The following STK25 variants were observed in gnomAD, a reference collection of about 807,000 sequenced individuals.
STK25 encodes the protein serine/threonine-protein kinase 25.
STK25 carries 29 observed loss-of-function variants against 53.8 expected under a neutral mutation model. The observed-to-expected ratio is 0.54, with a 90% confidence interval of 0.40 to 0.74. The LOEUF (loss-of-function observed/expected upper bound fraction) is 0.74. Among genes scored for constraint, STK25 ranks in the 30% least tolerant of loss-of-function variants. The pLI is 0.00. For missense variants in STK25, 420 were observed against 568.0 expected, an observed-to-expected ratio of 0.74 and a Z score of 2.65; for synonymous variants, 247 against 238.3, an observed-to-expected ratio of 1.04 and a Z score of -0.33.
At position 241,493,189 on chromosome 2, in the gene STK25, C is replaced by T. The variant is rs953274440; in HGVS notation, c.*2473G>A. ...TGAACAGGGAAACTGGCTCCCTTGG[C>T]CCGTGGGCATTTGTACGTGCCACCG... On this transcript the variant is annotated 3_prime_UTR_variant, in exon 12 of 12. Transcript: ENST00000316586. 2.2e-6 allele frequency: 3 copies of T among 1,367,962 alleles called. No homozygotes were observed. Among genetic ancestry groups the T allele is most frequent in the South Asian group, 2.5e-5 (2 of 79,558 alleles). 84.7% of individuals were successfully genotyped at this position (1,367,962 alleles called of 1,614,324 possible). A position where few individuals can be genotyped will look rare whatever the true frequency, so the allele number is the denominator to read the frequency against.
upstream of STK25, among the ~76,000 whole-genome samples, chr2:241,508,873 G>T (rs1010940202): frequency 6.6e-6 from 1 of 152,076 alleles, no homozygotes; most frequent in African/African-American, 2.4e-5. Flanking sequence ...CGCCCTCGCG[G>T]GTCTTCTGCG....
Position 241,493,030 on chromosome 2 carries a change from T to C in STK25, c.*2632A>G, listed in dbSNP as rs772918875. ...ACTTCTGTTTGTTCTTCTACAAAAC[T>C]CATCAGGTACTGGAGTTTCACTGGA... is the stretch of plus-strand genomic sequence containing the variant. On this transcript the variant is annotated 3_prime_UTR_variant, in exon 12 of 12. Coordinates refer to ENST00000316586, the MANE Select transcript of STK25 (RefSeq NM_001271977.2). 1.9e-6 allele frequency: 3 copies of C among 1,575,418 alleles called. No homozygotes were observed. The highest frequency in any genetic ancestry group is 1.1e-5 in the South Asian group (1 of 90,306).
Position 241,499,245 on chromosome 2 carries a change from C to T in STK25, c.585+12G>A, listed in dbSNP as rs374403247. The T allele has an allele frequency of 5.8e-5, 93 of 1,613,858 alleles. No individual in the cohort carries two copies. The highest frequency in any genetic ancestry group is 3.3e-4 in the Middle Eastern group (2 of 6,062). On this transcript the variant is annotated intron_variant, in intron 6 of 11. Transcript: ENST00000316586. ...GGCATGGTGCCCGCACCTGCCCGCC[C>T]GCTGCACCCACCTTGAAGTCGTAGG...
At position 241,507,988 on chromosome 2, in the gene STK25, GACCTGC is replaced by G; in HGVS notation, c.30+12_30+17del. 1 of 1,594,334 alleles carries G rather than the reference GACCTGC, an allele frequency of 6.3e-7. No individual in the cohort carries two copies. Among genetic ancestry groups the G allele is most frequent in the Non-Finnish European group, 8.5e-7 (1 of 1,171,076 alleles). On this transcript the variant is annotated intron_variant, in intron 2 of 11. Transcript: ENST00000316586. The stretch of plus-strand genomic sequence containing the variant: ...TCGGTGAGAGGCCGCTAGTCTTCCT[GACCTGC>G]ACCCTTCTCACCTGGTTGGCAAATC...
rs2065323960 is a variant in STK25 at position 241,498,637 on chromosome 2, A to G, written c.917+2T>C. On this transcript the variant is annotated splice_donor_variant, in intron 8 of 11. Transcript: ENST00000316586. LOFTEE classifies it high-confidence loss of function. ...CACCATGAGGATAAACCAGGTCCCT[A>G]CATGTCAGAGTCCTCAGAGCTGGAC... The G allele has an allele frequency of 1.9e-6, 3 of 1,612,322 alleles. No homozygotes were observed. Among genetic ancestry groups the G allele is most frequent in the South Asian group, 1.1e-5 (1 of 90,990 alleles).
rs201274231 is a variant in STK25 at position 241,501,729 on chromosome 2, C to T, written c.31-21G>A. On this transcript the variant is annotated intron_variant, in intron 2 of 11. Coordinates refer to ENST00000316586, the MANE Select transcript of STK25 (RefSeq NM_001271977.2). The surrounding 1 kb of genome is among the most constrained non-coding windows in gnomAD (Gnocchi z 5.3). The stretch of plus-strand genomic sequence containing the variant: ...GAGTGCTGTGGGGCCAGGGCGGGGA[C>T]AGAGGGCAGACAGCGCCGGTCACAA... 3.8e-6 allele frequency: 6 copies of T among 1,595,156 alleles called. No homozygotes were observed. Among genetic ancestry groups the T allele is most frequent in the Admixed American group, 1.7e-5 (1 of 59,878 alleles).
chr2:241,507,324 G>T (rs2065893885), intron 2 of STK25, among the ~76,000 whole-genome samples: 1 of 152,202 alleles, frequency 6.6e-6, no homozygotes, highest in Non-Finnish European at 1.5e-5. Flanking sequence ...AGGGCTCGCC[G>T]TAGTGGCTCC....
At position 241,497,844 on chromosome 2, in the gene STK25, G is replaced by A. The variant is rs535399811; in HGVS notation, c.1033-157C>T. Among the ~76,000 whole-genome samples the A allele has an allele frequency of 2.4e-3, 366 of 151,550 alleles. 1 individual carries two copies. Among genetic ancestry groups the A allele is most frequent in the Non-Finnish European group, 3.9e-3 (267 of 67,812 alleles). On this transcript the variant is annotated intron_variant, in intron 9 of 11. Transcript: ENST00000316586. Reference sequence around the variant, plus strand: ...CGGCCCCAAAACCATCAAGCCACCCGGATGGCCTGACTCTGAGGGCGACTC... The same window carrying A: ...CGGCCCCAAAACCATCAAGCCACCCAGATGGCCTGACTCTGAGGGCGACTC...
At chr2:241,497,533 CTG>C in intron 10 of STK25, 81 bp downstream of exon 10, 4 of 1,399,978 alleles carry the variant, frequency 2.9e-6, no homozygotes, top group Non-Finnish European at 4.0e-6. Flanking sequence ...CCCCACAGTG[CTG>C]TGAGGGAGAC....
intron 2 of STK25, among the ~76,000 whole-genome samples, chr2:241,506,350 A>G (rs1296918497): frequency 6.6e-6 from 1 of 152,244 alleles, no homozygotes; most frequent in Admixed American, 6.5e-5. Context: ...CCCTTCTCCA[A>G]TGTGCCCGCA....
chr2:241,500,960 C>G lies in STK25; in HGVS notation c.262-164G>C, dbSNP rs554159406. 7.7e-5 allele frequency: 49 copies of G among 638,528 alleles called. No homozygotes were observed. The East Asian group carries it at 9.1e-4, about 12-fold the overall frequency. The allele number at this position is 638,528 out of a possible 1,614,324, so 39.6% of individuals were successfully genotyped here. The stretch of plus-strand genomic sequence containing the variant: ...CTCTCTCGGCCTTGCCCATCTTCCC[C>G]TCCTGCCACACTACTGCTACAGATG... On this transcript the variant is annotated intron_variant, in intron 3 of 11. Coordinates refer to ENST00000316586, the MANE Select transcript of STK25 (RefSeq NM_001271977.2).
Position 241,496,347 on chromosome 2 carries a change from A to C in STK25, c.1241+51T>G, listed in dbSNP as rs369469593. 3 of 1,585,120 alleles carry C rather than the reference A, an allele frequency of 1.9e-6. No homozygotes were observed. The highest frequency in any genetic ancestry group is 1.7e-6 in the Non-Finnish European group (2 of 1,161,296). ...GAGCACTGGACCTCACCCCACGTCC[A>C]GCTTCTTGGTGGGGGTGCTCTCCCC... is the stretch of plus-strand genomic sequence containing the variant. On this transcript the variant is annotated intron_variant, in intron 11 of 11. Transcript: ENST00000316586. This position sits in a 1 kb window ranked among gnomAD's most constrained non-coding sequence, Gnocchi z 5.8.
chr2:241,502,766 A>C (rs1366096977), intron 2 of STK25, among the ~76,000 whole-genome samples: 1 of 152,142 alleles, frequency 6.6e-6, no homozygotes, highest in East Asian at 1.9e-4. Context: ...TAAAAAAAAA[A>C]ACCTCATCAA....
Position 241,492,943 on chromosome 2 carries a change from A to G in STK25, c.*2719T>C, listed in dbSNP as rs142709226. 6.8e-6 allele frequency: 11 copies of G among 1,607,548 alleles called. No individual in the cohort carries two copies. The highest frequency in any genetic ancestry group is 2.7e-5 in the African/African-American group (2 of 74,782). Reference sequence around the variant, plus strand: ...TTTATTGACAGAACCAGCTTTCAGGATATCTGCTAAGAAAGTTCAAAAACA... The same window carrying G: ...TTTATTGACAGAACCAGCTTTCAGGGTATCTGCTAAGAAAGTTCAAAAACA... On this transcript the variant is annotated 3_prime_UTR_variant, in exon 12 of 12. Transcript: ENST00000316586.
In STK25 at chr2:241,498,989, G is replaced by A. The variant is rs747739035; in HGVS notation, c.771C>T (p.Phe257=). Residue 257 remains phenylalanine, a splice_region_variant and synonymous_variant, in exon 7 of 12, where the codon TTC becomes TTT. Coordinates refer to ENST00000316586, the MANE Select transcript of STK25 (RefSeq NM_001271977.2). ...VEACLNKDPR[F]RPTAKELLKH... is the part of the protein sequence containing the mutation. ...GGACCGGGCCAGAGGCGGGCCTTAC[G>A]AATCGGGGGTCTTTGTTGAGGCAGG... is the stretch of plus-strand genomic sequence containing the variant. 27 of 1,613,520 alleles carry A rather than the reference G, an allele frequency of 1.7e-5. No individual in the cohort carries two copies. Among genetic ancestry groups the A allele is most frequent in the Admixed American group, 3.3e-5 (2 of 60,000 alleles).
In STK25 at chr2:241,497,374, T is replaced by C. The variant is rs2065237260; in HGVS notation, c.1104+242A>G. The C allele has an allele frequency of 7.6e-6, 4 of 526,636 alleles. No individual in the cohort carries two copies. In the South Asian group the frequency reaches 1.1e-4, roughly 14 times the overall value. The allele number at this position is 526,636 out of a possible 1,614,324, so 32.6% of individuals were successfully genotyped here. On this transcript the variant is annotated intron_variant, in intron 10 of 11. Coordinates refer to ENST00000316586, the MANE Select transcript of STK25 (RefSeq NM_001271977.2). The stretch of plus-strand genomic sequence containing the variant: ...TCTCTATAGAAGGATCATCTGTGTT[T>C]GCACCTGAAGAAAAAAAAGTCACCC...
In STK25 at chr2:241,494,080, A is replaced by C; in HGVS notation, c.*1582T>G. On this transcript the variant is annotated 3_prime_UTR_variant, in exon 12 of 12. Coordinates refer to ENST00000316586, the MANE Select transcript of STK25 (RefSeq NM_001271977.2). The surrounding 1 kb of genome is among the most constrained non-coding windows in gnomAD (Gnocchi z 4.9). ...CAAGCATCGTGCAGGATGGCCCCCA[A>C]CCCTCCTCAGGGCTGGAGGGGATGG... is the stretch of plus-strand genomic sequence containing the variant. 2 of 1,451,856 alleles carry C rather than the reference A, an allele frequency of 1.4e-6. No homozygotes were observed. Among genetic ancestry groups the C allele is most frequent in the Non-Finnish European group, 1.8e-6 (2 of 1,106,890 alleles). The allele number at this position is 1,451,856 out of a possible 1,614,324, so 89.9% of individuals were successfully genotyped here.
In STK25 at chr2:241,503,835, TAC is replaced by T. The variant is rs1260518720; in HGVS notation, c.31-2129_31-2128del. ...ACCGTGCCCACCAAGAAGGATGGGGTACACCACACACAGCCCTCACACTCACC... is the reference window on the plus strand; with the variant it reads ...ACCGTGCCCACCAAGAAGGATGGGGTACCACACACAGCCCTCACACTCACC... On this transcript the variant is annotated intron_variant, in intron 2 of 11. Coordinates refer to ENST00000316586, the MANE Select transcript of STK25 (RefSeq NM_001271977.2). Among the ~76,000 whole-genome samples, 4 of 147,512 alleles carry T rather than the reference TAC, an allele frequency of 2.7e-5. No individual in the cohort carries two copies. In the East Asian group the frequency reaches 8.0e-4, roughly 29 times the overall value.
chr2:241,503,177 C>G (rs2065611701), intron 2 of STK25, among the ~76,000 whole-genome samples: 1 of 152,238 alleles, frequency 6.6e-6, no homozygotes, highest in African/African-American at 2.4e-5. Context: ...GATTCTTCTG[C>G]CTCAGCCTCC....
Sources: gnomAD v4.1 joint callset for allele counts (sites outside exome capture counted in the v4.1 genomes callset) on GRCh38, gnomAD v4.1.1 for gene constraint, Gnocchi (gnomAD v3.1) non-coding constraint, MANE v1.5 for transcripts, NCBI Gene and HGNC (gene_info 2026-07-23, HGNC 2026-07-21) for gene names.